The following GSK3B variants were observed in gnomAD, a reference collection of about 807,000 sequenced individuals.
GSK3B encodes the protein glycogen synthase kinase 3 beta.
Under a neutral mutation model 56.4 loss-of-function variants are expected in GSK3B, and 15 were observed. That is an observed-to-expected ratio of 0.27 (90% CI 0.18 to 0.41). The LOEUF (loss-of-function observed/expected upper bound fraction) is 0.41, where lower values mean the gene tolerates loss of function less well. Among genes scored for constraint, GSK3B ranks in the 10% least tolerant of loss-of-function variants. GSK3B has a pLI of 1.00. For synonymous variants in GSK3B, 181 were observed against 188.9 expected (o/e 0.96, Z 0.34); for missense variants, 300 against 513.4 (o/e 0.58, Z 4.02).
At chr3:119,909,601 T>G (rs1243091513) in intron 6 of GSK3B, among the ~76,000 whole-genome samples, 2 of 152,232 alleles carry the variant, frequency 1.3e-5, no homozygotes, top group Admixed American at 1.3e-4. Flanking sequence ...CTCTATTCAG[T>G]TCCTTCTATC....
chr3:119,977,388 G>A (rs1279694876), intron 2 of GSK3B, among the ~76,000 whole-genome samples: 2 of 152,112 alleles, frequency 1.3e-5, no homozygotes, highest in Non-Finnish European at 2.9e-5. Context: ...CAGCCTATAT[G>A]ACTGAGAACA....
At chr3:119,864,808 A>G (rs1411557791) in intron 8 of GSK3B, among the ~76,000 whole-genome samples, 2 of 152,318 alleles carry the variant, frequency 1.3e-5, no homozygotes, top group Admixed American at 6.5e-5. Context: ...TGAAAAGAGG[A>G]TTGTATTTGT....
intron 1 of GSK3B, among the ~76,000 whole-genome samples, chr3:120,063,483 T>C (rs2058254517): frequency 6.6e-6 from 1 of 152,098 alleles, no homozygotes; most frequent in African/African-American, 2.4e-5. Flanking sequence ...TCCCAGCACT[T>C]TGGGAAGCCA....
At chr3:119,939,080 G>C (rs536789762) in intron 3 of GSK3B, among the ~76,000 whole-genome samples, 3 of 152,092 alleles carry the variant, frequency 2.0e-5, no homozygotes, top group South Asian at 2.1e-4. Context: ...GGGCTAAAAG[G>C]GGGGCTGGGG....
intron 10 of GSK3B, among the ~76,000 whole-genome samples, chr3:119,831,390 G>A (rs189672835): frequency 1.3e-5 from 2 of 152,244 alleles, no homozygotes; most frequent in East Asian, 3.9e-4. Flanking sequence ...GGGCGCGGTG[G>A]CTCATGACTG....
intron 1 of GSK3B, among the ~76,000 whole-genome samples, chr3:120,059,573 A>G (rs1435587053): frequency 6.6e-6 from 1 of 152,234 alleles, no homozygotes; most frequent in African/African-American, 2.4e-5. Context: ...CCAAAGGAAT[A>G]TACTTACAAA....
chr3:119,987,150 G>A (rs537041276), intron 2 of GSK3B, among the ~76,000 whole-genome samples: 19 of 152,132 alleles, frequency 1.2e-4, no homozygotes, highest in Admixed American at 2.6e-4. Context: ...CACAGGGCAG[G>A]GAACATCACA....
chr3:120,005,400 A>G (rs939626940), intron 1 of GSK3B, among the ~76,000 whole-genome samples: 12 of 152,190 alleles, frequency 7.9e-5, no homozygotes, highest in African/African-American at 2.7e-4. Context: ...AGGCAGGCCA[A>G]CATTCAAATT....
intron 1 of GSK3B, among the ~76,000 whole-genome samples, chr3:120,076,435 G>A (rs1268665258): frequency 6.6e-6 from 1 of 152,154 alleles, no homozygotes; most frequent in South Asian, 2.1e-4. Context: ...AAAACATTTT[G>A]GCAAACCATA....
chr3:119,927,636 A>C (rs1192347251), intron 3 of GSK3B, among the ~76,000 whole-genome samples: 1 of 152,202 alleles, frequency 6.6e-6, no homozygotes, highest in South Asian at 2.1e-4. Context: ...TTGAGTAGTT[A>C]TATTACATAG....
At chr3:120,089,485 T>C (rs1327276608) in intron 1 of GSK3B, among the ~76,000 whole-genome samples, 1 of 152,206 alleles carries the variant, frequency 6.6e-6, no homozygotes, top group Non-Finnish European at 1.5e-5. Flanking sequence ...CCCAGGGGAA[T>C]ACGGAAACTC....
chr3:119,922,387 AAT>A (rs1290564372), intron 4 of GSK3B, among the ~76,000 whole-genome samples: 1 of 148,106 alleles, frequency 6.8e-6, no homozygotes, highest in African/African-American at 2.5e-5. Flanking sequence ...TTTATATATA[AAT>A]ATGTAATATA....
intron 3 of GSK3B, among the ~76,000 whole-genome samples, chr3:119,935,941 A>G (rs906425618): frequency 6.6e-6 from 1 of 152,212 alleles, no homozygotes; most frequent in East Asian, 1.9e-4. Context: ...TAGGTTTAAC[A>G]TTCAAAAATC....
chr3:120,004,139 C>T (rs1376741582), intron 1 of GSK3B, among the ~76,000 whole-genome samples: 4 of 152,238 alleles, frequency 2.6e-5, no homozygotes, highest in Non-Finnish European at 5.9e-5. Context: ...CAGCCTTGTT[C>T]GCTGCCAGCA....
intron 1 of GSK3B, among the ~76,000 whole-genome samples, chr3:120,019,493 C>A (rs1559878815): frequency 1.3e-5 from 2 of 152,198 alleles, no homozygotes; most frequent in Non-Finnish European, 2.9e-5. Context: ...AAATCTATCT[C>A]AAACAATTTC....
intron 10 of GSK3B, among the ~76,000 whole-genome samples, chr3:119,831,499 T>C (rs1056998512): frequency 1.3e-5 from 2 of 151,858 alleles, no homozygotes; most frequent in Admixed American, 1.3e-4. Context: ...CTACTAAAAA[T>C]ACCAAAAATT....
chr3:119,884,937 A>T (rs2056418395), intron 7 of GSK3B, among the ~76,000 whole-genome samples: 1 of 152,122 alleles, frequency 6.6e-6, no homozygotes, highest in African/African-American at 2.4e-5. Context: ...GAACAAGACA[A>T]GGATGCCCAC....
intron 1 of GSK3B, among the ~76,000 whole-genome samples, chr3:120,090,851 C>CT (rs2058506499): frequency 1.3e-5 from 2 of 152,202 alleles, no homozygotes; most frequent in Non-Finnish European, 2.9e-5. Context: ...CTAACTTTCT[C>CT]TTATTTCTCA....
intron 9 of GSK3B, among the ~76,000 whole-genome samples, chr3:119,853,931 C>A (rs1351769160): frequency 6.6e-6 from 1 of 152,162 alleles, no homozygotes; most frequent in Non-Finnish European, 1.5e-5. Flanking sequence ...TGCCTGATTA[C>A]CCTGGCCAGA....
Sources: allele counts gnomAD v4.1 joint callset (sites outside exome capture counted in the v4.1 genomes callset), GRCh38; gene constraint gnomAD v4.1.1; transcripts MANE v1.5; gene names NCBI Gene and HGNC (gene_info 2026-07-23, HGNC 2026-07-21).